The following SEMA3E variants were observed in gnomAD, a reference collection of about 807,000 sequenced individuals.
SEMA3E encodes semaphorin 3E.
SEMA3E carries 49 observed loss-of-function variants against 93.6 expected under a neutral mutation model. The ratio of observed to expected loss-of-function variants is 0.52; its 90% CI spans 0.42 to 0.66. The LOEUF (loss-of-function observed/expected upper bound fraction) is 0.66, where lower values mean the gene tolerates loss of function less well. Among genes scored for constraint, SEMA3E ranks in the 30% least tolerant of loss-of-function variants. The pLI is 0.00. For synonymous variants in SEMA3E, 363 were observed against 330.7 expected, an observed-to-expected ratio of 1.10 and a Z score of -1.06; for missense variants, 906 against 964.8, an observed-to-expected ratio of 0.94 and a Z score of 0.81.
rs1393800392 is a variant in SEMA3E at position 83,392,494 on chromosome 7, A to G, written c.1667+61T>C. Reference sequence around the variant, plus strand: ...GGAAAACTTCAAGTTAAAAAAAAAAAAAAAAAAGCATTAGGGTTTTCCTAA... The same window carrying G: ...GGAAAACTTCAAGTTAAAAAAAAAAGAAAAAAAGCATTAGGGTTTTCCTAA... On this transcript the variant is annotated intron_variant, in intron 14 of 16. Coordinates refer to ENST00000643230, the MANE Select transcript of SEMA3E (RefSeq NM_012431.3). 1.3e-5 allele frequency: 20 copies of G among 1,586,788 alleles called. 1 individual carries two copies. Among genetic ancestry groups the G allele is most frequent in the Non-Finnish European group, 6.9e-6 (8 of 1,161,310 alleles).
intron 2 of SEMA3E, among the ~76,000 whole-genome samples, chr7:83,484,503 G>A (rs1790213481): frequency 6.6e-6 from 1 of 152,146 alleles, no homozygotes. Flanking sequence ...AAATCAGCCT[G>A]AGGTACATGC....
At chr7:83,498,339 A>C (rs1186953536) in intron 1 of SEMA3E, among the ~76,000 whole-genome samples, 1 of 152,198 alleles carries the variant, frequency 6.6e-6, no homozygotes, top group African/African-American at 2.4e-5. Context: ...TGTGTTAGGA[A>C]TTATATCTGG....
intron 1 of SEMA3E, among the ~76,000 whole-genome samples, chr7:83,524,524 T>C (rs781728293): frequency 6.6e-6 from 1 of 152,128 alleles, no homozygotes; most frequent in Non-Finnish European, 1.5e-5. Flanking sequence ...AAGCAGGTGG[T>C]GTGTTTTATG....
At chr7:83,509,490 G>A (rs1365184329) in intron 1 of SEMA3E, among the ~76,000 whole-genome samples, 2 of 152,104 alleles carry the variant, frequency 1.3e-5, no homozygotes, top group African/African-American at 4.8e-5. Context: ...AAAAGTCTAG[G>A]TAATTTGGTC....
chr7:83,438,117 TTCG>T (rs1325970699), intron 4 of SEMA3E, among the ~76,000 whole-genome samples: 1 of 152,132 alleles, frequency 6.6e-6, no homozygotes, highest in Non-Finnish European at 1.5e-5. Flanking sequence ...ACAGGCAGTC[TTCG>T]TATGAATGTA....
intron 16 of SEMA3E, among the ~76,000 whole-genome samples, chr7:83,382,931 A>G (rs1380744159): frequency 6.6e-6 from 1 of 152,000 alleles, no homozygotes; most frequent in African/African-American, 2.4e-5. Context: ...CAGTTTCTAA[A>G]GATTAATTTG....
chr7:83,516,077 G>A (rs1790921657), intron 1 of SEMA3E, among the ~76,000 whole-genome samples: 1 of 151,204 alleles, frequency 6.6e-6, no homozygotes, highest in African/African-American at 2.4e-5. Flanking sequence ...CCAAAGAAAG[G>A]AAAACAACTG....
chr7:83,529,120 T>C, intron 1 of SEMA3E, among the ~76,000 whole-genome samples: 1 of 152,094 alleles, frequency 6.6e-6, no homozygotes, highest in East Asian at 1.9e-4. Context: ...TTTAAAATAG[T>C]AATTAAAGAA....
At chr7:83,399,962 TA>T in intron 11 of SEMA3E, 65 bp downstream of exon 11, 1 of 1,235,120 alleles carries the variant, frequency 8.1e-7, no homozygotes. Context: ...CTTTTAGAAA[TA>T]TTATTAAAAT....
chr7:83,406,353 G>C (rs1788330340), intron 7 of SEMA3E, among the ~76,000 whole-genome samples: 1 of 151,852 alleles, frequency 6.6e-6, no homozygotes, highest in Admixed American at 6.6e-5. Context: ...GAATAGTGGA[G>C]AGATACAGTA....
chr7:83,425,502 G>A (rs1788751596), intron 4 of SEMA3E, among the ~76,000 whole-genome samples: 1 of 152,110 alleles, frequency 6.6e-6, no homozygotes, highest in African/African-American at 2.4e-5. Flanking sequence ...GCTGCAAAGA[G>A]TCCTTTCTGA....
chr7:83,562,245 AT>A (rs1224171723), intron 1 of SEMA3E, among the ~76,000 whole-genome samples: 1 of 152,018 alleles, frequency 6.6e-6, no homozygotes, highest in African/African-American at 2.4e-5. Flanking sequence ...ATACTTTTGC[AT>A]TTTTTTGTGA....
intron 14 of SEMA3E, among the ~76,000 whole-genome samples, chr7:83,389,759 TA>T (rs1787959398): frequency 7.3e-6 from 1 of 137,136 alleles, no homozygotes. Flanking sequence ...ATTACATGTA[TA>T]CATATATACA....
chr7:83,607,020 C>T (rs547037514), intron 1 of SEMA3E, among the ~76,000 whole-genome samples: 1 of 152,234 alleles, frequency 6.6e-6, no homozygotes, highest in Admixed American at 6.5e-5. Flanking sequence ...TAAGTCCACA[C>T]AAATGCTTCT....
chr7:83,591,479 T>G (rs768429005), intron 1 of SEMA3E, among the ~76,000 whole-genome samples: 4 of 151,754 alleles, frequency 2.6e-5, no homozygotes, highest in African/African-American at 9.7e-5. Context: ...TGATACAATA[T>G]TAACAAAAAA....
chr7:83,461,838 C>T (rs928976380), intron 4 of SEMA3E, among the ~76,000 whole-genome samples: 1 of 152,206 alleles, frequency 6.6e-6, no homozygotes, highest in Non-Finnish European at 1.5e-5. Context: ...CACTGTGAGA[C>T]AAACCCCAGC....
chr7:83,516,243 A>T (rs1790925768), intron 1 of SEMA3E, among the ~76,000 whole-genome samples: 1 of 152,226 alleles, frequency 6.6e-6, no homozygotes, highest in South Asian at 2.1e-4. Flanking sequence ...TACATGCAAT[A>T]GTCATGGACT....
intron 5 of SEMA3E, among the ~76,000 whole-genome samples, chr7:83,410,251 A>G (rs1226091176): frequency 6.6e-6 from 1 of 152,012 alleles, no homozygotes; most frequent in Non-Finnish European, 1.5e-5. Flanking sequence ...CAGAGTGTTA[A>G]CAATTGGTGA....
chr7:83,543,408 T>A (rs1791579739), intron 1 of SEMA3E, among the ~76,000 whole-genome samples: 1 of 152,058 alleles, frequency 6.6e-6, no homozygotes, highest in Non-Finnish European at 1.5e-5. Context: ...GGGTTGCAAG[T>A]ACCAAAATAC....
Sources: allele counts gnomAD v4.1 joint callset (sites outside exome capture counted in the v4.1 genomes callset), GRCh38; gene constraint gnomAD v4.1.1; transcripts MANE v1.5; gene names NCBI Gene and HGNC (gene_info 2026-07-23, HGNC 2026-07-21).